Variants in UTS2B observed in about 807,000 individuals in gnomAD.
UTS2B encodes the protein urotensin-2B.
UTS2B carries 21 observed loss-of-function variants against 19.2 expected under a neutral mutation model. The ratio of observed to expected loss-of-function variants is 1.09; its 90% CI spans 0.78 to 1.58. The LOEUF (loss-of-function observed/expected upper bound fraction) is 1.58, where lower values mean the gene tolerates loss of function less well. UTS2B is among the 40% of genes most tolerant of loss of function. UTS2B has a pLI of 0.00. For missense variants in UTS2B, 138 were observed against 130.3 expected (o/e 1.06, Z -0.29); for synonymous variants, 57 against 50.2 (o/e 1.14, Z -0.58).
intron 3 of UTS2B, among the ~76,000 whole-genome samples, chr3:191,307,462 G>C (rs1023788744): frequency 6.6e-6 from 1 of 152,210 alleles, no homozygotes; most frequent in Admixed American, 6.5e-5. Flanking sequence ...CATGGACAAA[G>C]GAAAAGCAAA....
chr3:191,303,753 T>A (rs1717062385), intron 4 of UTS2B, among the ~76,000 whole-genome samples: 1 of 152,238 alleles, frequency 6.6e-6, no homozygotes, highest in Admixed American at 6.5e-5. Flanking sequence ...TCTCTCCCAA[T>A]GTTTTTCCTT....
At chr3:191,314,916 G>A (rs12494416) in intron 3 of UTS2B, among the ~76,000 whole-genome samples, 33,416 of 152,026 alleles carry the variant, frequency 0.22, 4,017 homozygotes, top group South Asian at 0.29. Context: ...CTTGCCCTAC[G>A]CATCTCATCT....
chr3:191,340,073 A>G, the UTS2B span, among the ~76,000 whole-genome samples: 2 of 152,244 alleles, frequency 1.3e-5, no homozygotes, highest in Non-Finnish European at 1.5e-5. Flanking sequence ...ACAAATGTCT[A>G]TCACTTACAC....
At chr3:191,288,893 C>T (rs545782219) in intron 4 of UTS2B, among the ~76,000 whole-genome samples, 26 of 149,644 alleles carry the variant, frequency 1.7e-4, no homozygotes, top group African/African-American at 6.3e-4. Context: ...TTTTGAGATA[C>T]GATTCCAAAG....
chr3:191,317,472 C>T (rs1204972345), intron 2 of UTS2B, among the ~76,000 whole-genome samples: 1 of 152,242 alleles, frequency 6.6e-6, no homozygotes, highest in Non-Finnish European at 1.5e-5. Context: ...GGGCGAAGGG[C>T]TCCTCAAGTG....
At chr3:191,294,511 T>C (rs920598341) in intron 4 of UTS2B, 1 of 151,958 alleles carries the variant, frequency 6.6e-6, no homozygotes. Context: ...GTGGACTCCT[T>C]GGCCAACAGG....
At chr3:191,269,603 CA>C (rs1440699505) in intron 8 of UTS2B, among the ~76,000 whole-genome samples, 3 of 151,864 alleles carry the variant, frequency 2.0e-5, no homozygotes, top group Non-Finnish European at 2.9e-5. Flanking sequence ...GCTACAGCTT[CA>C]AGTGATTCTC....
chr3:191,304,000 T>C (rs1458313344), intron 4 of UTS2B, among the ~76,000 whole-genome samples: 2 of 152,048 alleles, frequency 1.3e-5, no homozygotes, highest in Admixed American at 1.3e-4. Context: ...GATGGAGTCT[T>C]GCTCTGTTGT....
At position 191,270,825 on chromosome 3, in the gene UTS2B, T is replaced by C. The variant is rs186109933; in HGVS notation, c.335-2384A>G. ...AGAGTTGTTTTTGGATAATCAGAAA[T>C]TGACCCTTCTGCTGTTAAAGCTTAA... On this transcript the variant is annotated intron_variant, in intron 8 of 8. Transcript: ENST00000340524. Among the ~76,000 whole-genome samples the C allele has an allele frequency of 9.2e-5, 14 of 152,230 alleles. No individual in the cohort carries two copies. In the East Asian group the frequency reaches 2.7e-3, roughly 29 times the overall value.
intron 4 of UTS2B, among the ~76,000 whole-genome samples, chr3:191,285,069 G>A (rs1212685723): frequency 6.6e-6 from 1 of 152,146 alleles, no homozygotes; most frequent in Non-Finnish European, 1.5e-5. Context: ...TGGTATGTAA[G>A]TCACTAATAT....
intron 4 of UTS2B, among the ~76,000 whole-genome samples, chr3:191,288,667 T>TA (rs34943784): frequency 0.18 from 27,263 of 150,076 alleles, 2,731 homozygotes; most frequent in Admixed American, 0.25. Flanking sequence ...AAATCTACTG[T>TA]AAAAAAAAAA....
intron 1 of UTS2B, among the ~76,000 whole-genome samples, chr3:191,330,161 C>T (rs1411304055): frequency 6.6e-6 from 1 of 152,152 alleles, no homozygotes; most frequent in East Asian, 1.9e-4. Context: ...TGACTCTTTC[C>T]CTCCTTCTCT....
chr3:191,268,372 T>C lies in UTS2B; in HGVS notation c.*44A>G, dbSNP rs1465739435. 6.8e-7 allele frequency: 1 copy of C among 1,477,620 alleles called. No individual in the cohort carries two copies. Among genetic ancestry groups the C allele is most frequent in the Admixed American group, 1.8e-5 (1 of 55,240 alleles). 91.5% of individuals were successfully genotyped at this position (1,477,620 alleles called of 1,614,324 possible). ...ACAGCAGAGTGAGTAGATACATATA[T>C]TTTCCTGATATTCTTATCTTTTTTT... On this transcript the variant is annotated 3_prime_UTR_variant, in exon 9 of 9. Coordinates refer to ENST00000340524, the MANE Select transcript of UTS2B (RefSeq NM_198152.5).
At chr3:191,329,660 G>A in intron 1 of UTS2B, 1 of 1,606,830 alleles carries the variant, frequency 6.2e-7, no homozygotes. Flanking sequence ...GGGGCAACCG[G>A]GACCCTGGCC....
intron 4 of UTS2B, among the ~76,000 whole-genome samples, chr3:191,284,784 A>T (rs1487779772): frequency 1.3e-5 from 2 of 151,938 alleles, no homozygotes; most frequent in African/African-American, 4.8e-5. Context: ...AATTTCCAAA[A>T]TATTTTTCTG....
Position 191,311,991 on chromosome 3 carries a change from A to G in UTS2B, c.-182+4045T>C, listed in dbSNP as rs1402907002. Among the ~76,000 whole-genome samples, 3 of 141,308 alleles carry G rather than the reference A, an allele frequency of 2.1e-5. No homozygotes were observed. In the East Asian group the frequency reaches 6.0e-4, roughly 28 times the overall value. 92.7% of individuals were successfully genotyped at this position (141,308 alleles called of 152,430 possible). ...CCATCTCTACTAAAAATACAAAAAA[A>G]AAGAAAAAAAATTAGCCAGGTGTGG... On this transcript the variant is annotated intron_variant, in intron 3 of 8. Coordinates refer to ENST00000340524, the MANE Select transcript of UTS2B (RefSeq NM_198152.5).
chr3:191,301,618 C>G (rs2108594559), intron 4 of UTS2B, among the ~76,000 whole-genome samples: 1 of 151,718 alleles, frequency 6.6e-6, no homozygotes, highest in Non-Finnish European at 1.5e-5. Context: ...TCCCGAGTAG[C>G]TGGGACCACA....
intron 3 of UTS2B, among the ~76,000 whole-genome samples, chr3:191,310,763 CT>C (rs1285747077): frequency 9.1e-6 from 1 of 110,120 alleles, no homozygotes; most frequent in Non-Finnish European, 2.1e-5. Flanking sequence ...GTTATAGTAG[CT>C]TACTGCTATC....
rs1193574884 is a variant in UTS2B, at chr3:191,271,226, A to G, written c.335-2785T>C. 2.1e-5 allele frequency among the ~76,000 whole-genome samples: 3 copies of G among 143,742 alleles called. No individual in the cohort carries two copies. In the East Asian group the frequency reaches 5.9e-4, roughly 28 times the overall value. 94.3% of individuals were successfully genotyped at this position (143,742 alleles called of 152,430 possible). On this transcript the variant is annotated intron_variant, in intron 8 of 8. Coordinates refer to ENST00000340524, the MANE Select transcript of UTS2B (RefSeq NM_198152.5). ...AAAAAAAAAAAAAAAAAAAAAAAAAAGAGGTATCAAAGAACTGAAACTCAC... is the reference window on the plus strand; with the variant it reads ...AAAAAAAAAAAAAAAAAAAAAAAAAGGAGGTATCAAAGAACTGAAACTCAC...
Sources: gnomAD v4.1 joint callset for allele counts (sites outside exome capture counted in the v4.1 genomes callset) on GRCh38, gnomAD v4.1.1 for gene constraint, MANE v1.5 for transcripts, NCBI Gene and HGNC (gene_info 2026-07-23, HGNC 2026-07-21) for gene names.